ERBB4: variants seen among roughly 807,000 people sequenced by gnomAD.
ERBB4 encodes receptor tyrosine-protein kinase erbB-4.
In ERBB4, 42 loss-of-function variants were observed where a neutral mutation model predicts 158.0. The observed-to-expected ratio is 0.27, with a 90% CI of 0.21 to 0.34. The LOEUF is 0.34. Among genes scored for constraint, ERBB4 ranks in the 10% least tolerant of loss-of-function variants. The pLI is 1.00. For missense variants in ERBB4, 1,333 were observed against 1,624.1 expected (o/e 0.82, Z 3.08); for synonymous variants, 583 against 558.7 (o/e 1.04, Z -0.61).
intron 3 of ERBB4, among the ~76,000 whole-genome samples, chr2:211,904,181 T>G (rs918107831): frequency 3.3e-5 from 5 of 152,050 alleles, no homozygotes; most frequent in African/African-American, 1.2e-4. Flanking sequence ...GTTTAGCAGC[T>G]GTGAAAGCAA....
At chr2:211,797,525 C>T (rs1349700211) in intron 3 of ERBB4, among the ~76,000 whole-genome samples, 1 of 151,754 alleles carries the variant, frequency 6.6e-6, no homozygotes, top group African/African-American at 2.4e-5. Flanking sequence ...CATGTTAAGA[C>T]TTGCAAATAA....
At chr2:212,081,191 TA>T (rs1047741597) in intron 2 of ERBB4, among the ~76,000 whole-genome samples, 2 of 152,054 alleles carry the variant, frequency 1.3e-5, no homozygotes, top group Non-Finnish European at 2.9e-5. Flanking sequence ...CTGAAGCAAA[TA>T]AAAAGACGGG....
chr2:211,442,940 G>T (rs796599757), intron 20 of ERBB4, among the ~76,000 whole-genome samples: 105 of 152,076 alleles, frequency 6.9e-4, no homozygotes, highest in African/African-American at 2.4e-3. Flanking sequence ...GCCTGGAACT[G>T]TGAATGGCGT....
At chr2:212,044,540 C>T (rs1375537425) in intron 2 of ERBB4, among the ~76,000 whole-genome samples, 1 of 152,090 alleles carries the variant, frequency 6.6e-6, no homozygotes, top group African/African-American at 2.4e-5. Flanking sequence ...TTTTCTCCCA[C>T]ATTCAGGATT....
intron 3 of ERBB4, among the ~76,000 whole-genome samples, chr2:211,904,912 A>G (rs529349545): frequency 6.6e-6 from 1 of 152,262 alleles, no homozygotes; most frequent in South Asian, 2.1e-4. Context: ...TTAGTAATTG[A>G]AAAGATTCTC....
chr2:212,200,427 T>C (rs145383986), intron 1 of ERBB4, among the ~76,000 whole-genome samples: 2 of 152,292 alleles, frequency 1.3e-5, no homozygotes, highest in East Asian at 3.9e-4. Flanking sequence ...ACTATCCAGA[T>C]GACTATTGGT....
At chr2:212,499,837 T>G (rs1436579273) in intron 1 of ERBB4, among the ~76,000 whole-genome samples, 3 of 152,004 alleles carry the variant, frequency 2.0e-5, no homozygotes, top group Non-Finnish European at 2.9e-5. Flanking sequence ...AGAGGATAAC[T>G]GCAGATGTAG....
intron 1 of ERBB4, among the ~76,000 whole-genome samples, chr2:212,499,767 T>C (rs894105057): frequency 1.3e-5 from 2 of 152,056 alleles, no homozygotes; most frequent in African/African-American, 2.4e-5. Flanking sequence ...GTGAGGAAAT[T>C]GGATTCGTTT....
chr2:212,416,120 A>G (rs1033772643), intron 1 of ERBB4, among the ~76,000 whole-genome samples: 1 of 152,146 alleles, frequency 6.6e-6, no homozygotes, highest in Non-Finnish European at 1.5e-5. Context: ...TTGTATTGCT[A>G]GTGTGATTGA....
intron 1 of ERBB4, among the ~76,000 whole-genome samples, chr2:212,442,873 A>G (rs555471951): frequency 6.6e-6 from 1 of 152,282 alleles, no homozygotes; most frequent in South Asian, 2.1e-4. Context: ...CAAGGACTTG[A>G]AGTTGCAGGG....
At chr2:212,480,724 C>G (rs1046192551) in intron 1 of ERBB4, among the ~76,000 whole-genome samples, 11 of 152,100 alleles carry the variant, frequency 7.2e-5, no homozygotes, top group Non-Finnish European at 2.9e-5. Flanking sequence ...ATGGCATATG[C>G]CTTGAGTATC....
chr2:212,510,622 T>C (rs1691464595), intron 1 of ERBB4, among the ~76,000 whole-genome samples: 1 of 152,014 alleles, frequency 6.6e-6, no homozygotes, highest in Non-Finnish European at 1.5e-5. Context: ...AATCCTTAAC[T>C]AATAGGAGAT....
chr2:212,224,587 T>C lies in ERBB4; in HGVS notation c.83-99684A>G, dbSNP rs367973978. Among the ~76,000 whole-genome samples, 20 of 152,104 alleles carry C rather than the reference T, an allele frequency of 1.3e-4. No individual in the cohort carries two copies. In the East Asian group the frequency reaches 3.3e-3, roughly 25 times the overall value. On this transcript the variant is annotated intron_variant, in intron 1 of 27. Coordinates refer to ENST00000342788, the MANE Select transcript of ERBB4 (RefSeq NM_005235.3). Reference sequence around the variant, plus strand: ...CACACAAGAAAAGGAGGAGATATATTAAATATGTCTATCACACTAATATCT... The same window carrying C: ...CACACAAGAAAAGGAGGAGATATATCAAATATGTCTATCACACTAATATCT...
At chr2:211,484,394 G>T (rs1480005682) in intron 20 of ERBB4, among the ~76,000 whole-genome samples, 6 of 151,938 alleles carry the variant, frequency 3.9e-5, no homozygotes, top group African/African-American at 1.5e-4. Context: ...CACATTAAAT[G>T]GTCTAAACAC....
At chr2:211,625,216 G>A (rs2069794307) in intron 17 of ERBB4, among the ~76,000 whole-genome samples, 1 of 152,180 alleles carries the variant, frequency 6.6e-6, no homozygotes, top group African/African-American at 2.4e-5. Context: ...GTTAAATTAA[G>A]GAACTAAACT....
chr2:211,645,178 A>C (rs1207679891), intron 16 of ERBB4, among the ~76,000 whole-genome samples: 1 of 151,830 alleles, frequency 6.6e-6, no homozygotes, highest in African/African-American at 2.4e-5. Context: ...ATGCTATGCA[A>C]TGGGTACTTT....
intron 2 of ERBB4, among the ~76,000 whole-genome samples, chr2:212,086,157 G>C (rs1422238049): frequency 6.6e-6 from 1 of 151,854 alleles, no homozygotes; most frequent in African/African-American, 2.4e-5. Context: ...TTTACTTTGG[G>C]TATCTTAACT....
intron 1 of ERBB4, among the ~76,000 whole-genome samples, chr2:212,212,031 A>G (rs1387931716): frequency 6.6e-6 from 1 of 152,082 alleles, no homozygotes; most frequent in East Asian, 1.9e-4. Context: ...ATACATGTGC[A>G]TGTGTCTTTA....
chr2:211,633,783 A>G (rs535702673), intron 16 of ERBB4, among the ~76,000 whole-genome samples: 3 of 151,334 alleles, frequency 2.0e-5, no homozygotes, highest in African/African-American at 7.3e-5. Flanking sequence ...AGGCCAAACT[A>G]CCTAAGCAAA....
Sources: allele counts gnomAD v4.1 joint callset (sites outside exome capture counted in the v4.1 genomes callset), GRCh38; gene constraint gnomAD v4.1.1; transcripts MANE v1.5; gene names NCBI Gene and HGNC (gene_info 2026-07-23, HGNC 2026-07-21).